Variants in SPECC1 observed in about 807,000 individuals in gnomAD.
The protein encoded by SPECC1 is cytospin-B.
SPECC1 carries 62 observed loss-of-function variants against 104.1 expected under a neutral mutation model. The ratio of observed to expected loss-of-function variants is 0.60; its 90% CI spans 0.49 to 0.74. SPECC1 has a LOEUF of 0.74. Among genes scored for constraint, SPECC1 ranks in the 30% least tolerant of loss-of-function variants. The pLI is 0.00. For missense variants in SPECC1, 1,306 were observed against 1,310.5 expected, an observed-to-expected ratio of 1.00 and a Z score of 0.05; for synonymous variants, 513 against 501.6, an observed-to-expected ratio of 1.02 and a Z score of -0.30.
intron 12 of SPECC1, among the ~76,000 whole-genome samples, chr17:20,271,354 C>G (rs187503550): frequency 4.6e-5 from 7 of 152,254 alleles, no homozygotes; most frequent in South Asian, 2.1e-4. Flanking sequence ...TCCCACCCCC[C>G]CCATGCTTCC....
intron 3 of SPECC1, 139 bp from the exon 4 acceptor site, chr17:20,204,194 G>A: frequency 9.3e-7 from 1 of 1,077,156 alleles, no homozygotes; most frequent in Non-Finnish European, 1.3e-6. Flanking sequence ...GTCAGAACTG[G>A]GTAATTAGCT....
At position 20,106,442 on chromosome 17, in the gene SPECC1, T is replaced by A. The variant is rs186351199; in HGVS notation, c.148-3985T>A. ...CTAAGAAGGGTAGTAGTGTAACTTC[T>A]GGATTAACTCAAGTGTCATGTTTGG... is the stretch of plus-strand genomic sequence containing the variant. On this transcript the variant is annotated intron_variant, in intron 2 of 14. Coordinates refer to ENST00000395527, the MANE Select transcript of SPECC1 (RefSeq NM_001243439.2). Among the ~76,000 whole-genome samples, 4 of 152,314 alleles carry A rather than the reference T, an allele frequency of 2.6e-5. No homozygotes were observed. In the East Asian group the frequency reaches 7.7e-4, roughly 29 times the overall value.
chr17:20,303,223 A>G (rs1308107164), intron 13 of SPECC1, among the ~76,000 whole-genome samples: 1 of 152,222 alleles, frequency 6.6e-6, no homozygotes, highest in African/African-American at 2.4e-5. Context: ...AGTAAACACA[A>G]AGACCTCAAT....
chr17:20,105,766 G>T (rs2048170550), intron 2 of SPECC1, among the ~76,000 whole-genome samples: 2 of 152,196 alleles, frequency 1.3e-5, no homozygotes, highest in Non-Finnish European at 2.9e-5. Flanking sequence ...CTGCTGTCTT[G>T]TGTTGCCTCC....
chr17:20,215,266 T>G (rs895713318), intron 4 of SPECC1, among the ~76,000 whole-genome samples: 1 of 152,216 alleles, frequency 6.6e-6, no homozygotes, highest in Non-Finnish European at 1.5e-5. Context: ...CAGAGGAGGT[T>G]GCGACTCTGA....
Position 20,298,948 on chromosome 17 carries a change from A to AGAGAGAGTGTGTGTGTGTGT in SPECC1, c.3057+1872_3057+1873insAGAGAGTGTGTGTGTGTGTG. Among the ~76,000 whole-genome samples the AGAGAGAGTGTGTGTGTGTGT allele has an allele frequency of 6.0e-3, 295 of 49,028 alleles. 5 individuals carry two copies. Among genetic ancestry groups the AGAGAGAGTGTGTGTGTGTGT allele is most frequent in the African/African-American group, 0.024 (253 of 10,754 alleles). 32.2% of individuals were successfully genotyped at this position (49,028 alleles called of 152,430 possible). A position where few individuals can be genotyped will look rare whatever the true frequency, so the allele number is the denominator to read the frequency against. ...GAGAGAGAGAGAGAGAGAGAGAGAG[A>AGAGAGAGTGTGTGTGTGTGT]GTGTGTGTGTGTGTGTGTGTGTGTA... is the stretch of plus-strand genomic sequence containing the variant. On this transcript the variant is annotated intron_variant, in intron 13 of 14. Coordinates refer to ENST00000395527, the MANE Select transcript of SPECC1 (RefSeq NM_001243439.2).
Position 20,169,270 on chromosome 17 carries a change from A to G in SPECC1, c.284-35063A>G, listed in dbSNP as rs532339571. ...AAGGCCTCTGTGGGAGCTATAAACT[A>G]TCTACTCAGGGGCATAGATACAAAC... On this transcript the variant is annotated intron_variant, in intron 3 of 14. Transcript: ENST00000395527. 2.1e-4 allele frequency among the ~76,000 whole-genome samples: 32 copies of G among 152,314 alleles called. 1 individual carries two copies. In the South Asian group the frequency reaches 3.5e-3, roughly 17 times the overall value.
At chr17:20,051,230 CA>C (rs920913944) in intron 1 of SPECC1, among the ~76,000 whole-genome samples, 4 of 151,256 alleles carry the variant, frequency 2.6e-5, no homozygotes, top group African/African-American at 9.7e-5. Flanking sequence ...GGCTGGAGTG[CA>C]GTGGTGCAAT....
rs1002125678 is a variant in SPECC1, at chr17:20,205,478, G to C, written c.1429G>C (p.Gly477Arg). 6.2e-7 allele frequency: 1 copy of C among 1,614,088 alleles called. No homozygotes were observed. The highest frequency in any genetic ancestry group is 1.7e-5 in the Admixed American group (1 of 60,024). The change falls in exon 4 of 15, where the codon GGC (glycine) becomes CGC (arginine). Residue 477 changes from glycine (G) to arginine (R), a missense_variant. Transcript: ENST00000395527. ...GAAGTGCACAGGTATTCTTGAACAG[G>C]GCCGCTTTGAAAGAGAGAAGCTACT... ...EQKCTGILEQ[G>R]RFEREKLLNI...
intron 1 of SPECC1, among the ~76,000 whole-genome samples, chr17:20,059,935 G>T (rs1414934185): frequency 6.6e-6 from 1 of 152,136 alleles, no homozygotes; most frequent in Non-Finnish European, 1.5e-5. Context: ...GTTTCATTCG[G>T]CAGCAAGTTG....
chr17:20,204,218 A>G (rs2036614673), intron 3 of SPECC1, 115 bp from the exon 4 acceptor site: 2 of 1,277,276 alleles, frequency 1.6e-6, no homozygotes, highest in Non-Finnish European at 2.2e-6. Context: ...GGAGGAGGAA[A>G]TGGATGAAGA....
chr17:20,010,095 C>A (rs1369205573), intron 1 of SPECC1: 1 of 151,564 alleles, frequency 6.6e-6, no homozygotes, highest in African/African-American at 2.4e-5. Flanking sequence ...GCGGAAGTAA[C>A]GACCTCCTTC....
In SPECC1 at chr17:20,317,227, C is replaced by T; in HGVS notation, c.*3162C>T. The T allele has an allele frequency of 6.5e-6, 1 of 154,032 alleles. No homozygotes were observed. The highest frequency in any genetic ancestry group is 1.3e-5 in the Non-Finnish European group (1 of 74,662). The allele number at this position is 154,032 out of a possible 1,614,324, so 9.5% of individuals were successfully genotyped here. On this transcript the variant is annotated 3_prime_UTR_variant, in exon 15 of 15. Transcript: ENST00000395527. ...CCCAGGAGTTTGAGACCAGCCTGGG[C>T]AACATGGCAAGACCTCTGACTCTAT...
chr17:20,181,336 GATAA>G (rs1382389819), intron 3 of SPECC1, among the ~76,000 whole-genome samples: 2 of 151,880 alleles, frequency 1.3e-5, no homozygotes, highest in African/African-American at 4.8e-5. Flanking sequence ...TGGTAGAGAA[GATAA>G]ATAAGAACAA....
intron 3 of SPECC1, among the ~76,000 whole-genome samples, chr17:20,183,551 A>G (rs1169631772): frequency 2.6e-5 from 4 of 152,294 alleles, no homozygotes; most frequent in East Asian, 1.9e-4. Flanking sequence ...TCCTATGGAT[A>G]CTAACATCCA....
intron 2 of SPECC1, among the ~76,000 whole-genome samples, chr17:20,104,941 A>G (rs556055716): frequency 7.9e-5 from 12 of 152,124 alleles, no homozygotes; most frequent in African/African-American, 2.4e-4. Context: ...TGTTGCTGCC[A>G]GCCTGGAGAA....
At position 20,009,645 on chromosome 17, in the gene SPECC1, T is replaced by G. The variant is rs1308813637; in HGVS notation, c.-22+221T>G. ...CCAGGAGGGACGTCCTGGCCTGTCC[T>G]GCCCGGCCCGGAGCGGTGGGACCGG... On this transcript the variant is annotated intron_variant, in intron 1 of 14. Coordinates refer to ENST00000395527, the MANE Select transcript of SPECC1 (RefSeq NM_001243439.2). The surrounding 1 kb of genome is among the most constrained non-coding windows in gnomAD (Gnocchi z 5.2). Among the ~76,000 whole-genome samples, 1 of 151,966 alleles carries G rather than the reference T, an allele frequency of 6.6e-6. No homozygotes were observed. Among genetic ancestry groups the G allele is most frequent in the Non-Finnish European group, 1.5e-5 (1 of 67,920 alleles).
At chr17:20,224,482 C>G (rs1393488986) in intron 4 of SPECC1, among the ~76,000 whole-genome samples, 2 of 152,136 alleles carry the variant, frequency 1.3e-5, no homozygotes, top group East Asian at 3.9e-4. Flanking sequence ...TACTTGGGAG[C>G]TGGGGCCTGG....
At chr17:20,185,907 G>A (rs1474739843) in intron 3 of SPECC1, among the ~76,000 whole-genome samples, 1 of 152,106 alleles carries the variant, frequency 6.6e-6, no homozygotes, top group Non-Finnish European at 1.5e-5. Context: ...GCACGATCTT[G>A]GCTCACTGCA....
Sources: allele counts gnomAD v4.1 joint callset (sites outside exome capture counted in the v4.1 genomes callset), GRCh38; gene constraint gnomAD v4.1.1; non-coding constraint Gnocchi (gnomAD v3.1); transcripts MANE v1.5; gene names NCBI Gene and HGNC (gene_info 2026-07-23, HGNC 2026-07-21).